The following SYTL4 variants were observed in gnomAD, a reference collection of about 807,000 sequenced individuals.
SYTL4 encodes the protein synaptotagmin-like protein 4.
A neutral mutation model predicts 52.7 loss-of-function variants in SYTL4; 16 were observed. The ratio of observed to expected loss-of-function variants is 0.30; its 90% CI spans 0.21 to 0.46. SYTL4 has a LOEUF of 0.46. Ranked by LOEUF, SYTL4 falls within the 20% of genes least tolerant of loss-of-function variation. The pLI is 1.00. For synonymous variants in SYTL4, 160 were observed against 186.6 expected, an observed-to-expected ratio of 0.86 and a Z score of 1.16; for missense variants, 423 against 519.9, an observed-to-expected ratio of 0.81 and a Z score of 1.81.
chrX:100,701,847 A>T (rs1178663707), intron 5 of SYTL4, 81 bp downstream of exon 5: 23 of 869,623 alleles, frequency 2.6e-5, no homozygotes, highest in Non-Finnish European at 3.6e-5. Flanking sequence ...TTCCTATGAA[A>T]GTCAGGTGGG....
intron 16 of SYTL4, chrX:100,685,163 TA>T (rs1250677657): frequency 8.9e-6 from 1 of 112,205 alleles, no homozygotes; most frequent in African/African-American, 3.2e-5. Context: ...TTCAAATGCT[TA>T]AAAAGGGGAT....
chrX:100,699,415 G>GA (rs766404025), intron 8 of SYTL4, among the ~76,000 whole-genome samples: 3 of 73,938 alleles, frequency 4.1e-5, no homozygotes, highest in African/African-American at 1.6e-4. Flanking sequence ...GAAAAGAAAA[G>GA]AAAAAAAAAG....
chrX:100,703,785 C>T (rs1201314446), intron 3 of SYTL4, among the ~76,000 whole-genome samples: 1 of 111,740 alleles, frequency 8.9e-6, no homozygotes, highest in Non-Finnish European at 1.9e-5. Flanking sequence ...TAGATACACA[C>T]GTACTGACAT....
intron 17 of SYTL4, among the ~76,000 whole-genome samples, chrX:100,680,933 C>T (rs2083361780): frequency 9.0e-6 from 1 of 111,697 alleles, no homozygotes; most frequent in African/African-American, 3.3e-5. Flanking sequence ...CTCCCAGCCA[C>T]CCTTCTCAGC....
chrX:100,708,932 A>G (rs2084011194), intron 2 of SYTL4, among the ~76,000 whole-genome samples: 1 of 111,914 alleles, frequency 8.9e-6, no homozygotes, highest in African/African-American at 3.2e-5. Flanking sequence ...AGATGGTAAT[A>G]TATGGTACTT....
rs77778840 is a variant in SYTL4, at chrX:100,678,538, G to C, written c.1720C>G (p.Leu574Val). ...KRKTPVMKKT[L>V]NPHYNHTFVY... ...AATGTATGGTTGTAGTGAGGATTCAGGGTCTTCTTCATCACAGGAGTTTTA... is the reference window on the plus strand; with the variant it reads ...AATGTATGGTTGTAGTGAGGATTCACGGTCTTCTTCATCACAGGAGTTTTA... The change falls in exon 19 of 20, where the codon CTG becomes GTG. Residue 574 changes from leucine (L) to valine (V), a missense_variant. By Grantham distance (32) the Leu-to-Val change is conservative (BLOSUM62 1). Transcript: ENST00000372989. 7.1e-4 allele frequency: 863 copies of C among 1,209,463 alleles called. 5 individuals are homozygous for C. The African/African-American group carries it at 0.014, about 20-fold the overall frequency.
At chrX:100,701,052 G>A (rs1421119860) in intron 7 of SYTL4, 53 bp from the exon 8 acceptor site, 68 of 1,015,937 alleles carry the variant, frequency 6.7e-5, no homozygotes, top group Non-Finnish European at 9.0e-5. Context: ...AGGGGAAAAA[G>A]GAAACAACCC....
intron 13 of SYTL4, 72 bp downstream of exon 13, chrX:100,688,279 T>C: frequency 1.4e-5 from 12 of 884,519 alleles, no homozygotes; most frequent in Non-Finnish European, 2.0e-5. Flanking sequence ...GTCCCGAATC[T>C]GCTCTAGGGA....
At position 100,681,302 on chromosome X, in the gene SYTL4, G is replaced by A. The variant is rs747053500; in HGVS notation, c.1483C>T (p.His495Tyr). 3.3e-6 allele frequency: 4 copies of A among 1,209,205 alleles called. No homozygotes were observed. The South Asian group carries it at 5.3e-5, about 16-fold the overall frequency. The change falls in exon 17 of 20, where the codon CAC (histidine) becomes TAC (tyrosine). Residue 495 changes from histidine (H) to tyrosine (Y), a missense_variant. Transcript: ENST00000372989. ...SAESPTGLPS[H>Y]KGELVVSLKY... ...AATGAAACCACCAACTCGCCTTTGTGTGATGGCAAGCCAGTCGGGGACTCA... is the reference window on the plus strand; with the variant it reads ...AATGAAACCACCAACTCGCCTTTGTATGATGGCAAGCCAGTCGGGGACTCA...
At chrX:100,680,505 A>G (rs2083353317) in intron 17 of SYTL4, among the ~76,000 whole-genome samples, 1 of 110,665 alleles carries the variant, frequency 9.0e-6, no homozygotes, top group Admixed American at 9.7e-5. Flanking sequence ...CCTCATGTCC[A>G]ACTCCAGCCC....
chrX:100,708,228 T>TA lies in SYTL4; in HGVS notation c.-239-3343dup, dbSNP rs747319864. Among the ~76,000 whole-genome samples the TA allele has an allele frequency of 3.6e-3, 396 of 109,809 alleles. 2 individuals carry two copies. Among genetic ancestry groups the TA allele is most frequent in the African/African-American group, 0.012 (365 of 30,114 alleles). ...GAACTTAAAGTATAATAAAAAAAAT[T>TA]AAAAAAAAGAAAAGATGGCTTACTT... is the stretch of plus-strand genomic sequence containing the variant. On this transcript the variant is annotated intron_variant, in intron 2 of 19. Transcript: ENST00000372989.
At chrX:100,724,714 C>A (rs753899978) in intron 2 of SYTL4, among the ~76,000 whole-genome samples, 94 of 105,599 alleles carry the variant, frequency 8.9e-4, no homozygotes, top group Admixed American at 4.2e-3. Context: ...ATCTCAAGTA[C>A]CCAGGGACAC....
chrX:100,724,260 C>A (rs1354973151), intron 2 of SYTL4, among the ~76,000 whole-genome samples: 1 of 105,224 alleles, frequency 9.5e-6, no homozygotes, highest in Non-Finnish European at 2.0e-5. Context: ...GGGGTCAGCG[C>A]CCCGCCCGGC....
chrX:100,690,279 CAAACTT>C, intron 10 of SYTL4, 114 bp from the exon 11 acceptor site: 1 of 542,528 alleles, frequency 1.8e-6, no homozygotes, highest in Non-Finnish European at 3.0e-6. Context: ...TAAACTATGA[CAAACTT>C]AAAGGAAAGA....
chrX:100,696,190 T>G (rs2096093706), intron 8 of SYTL4, among the ~76,000 whole-genome samples: 1 of 111,835 alleles, frequency 8.9e-6, no homozygotes, highest in Admixed American at 9.5e-5. Flanking sequence ...TTCCCTTCTC[T>G]TGAGTAAGTA....
chrX:100,678,285 A>ACAACT (rs1334769530), intron 19 of SYTL4, 106 bp downstream of exon 19: 3 of 560,583 alleles, frequency 5.4e-6, no homozygotes, highest in African/African-American at 2.3e-5. Flanking sequence ...AGGAAAGAAG[A>ACAACT]CAACTGTCAT....
chrX:100,690,244 A>AG, intron 10 of SYTL4, 79 bp from the exon 11 acceptor site: 1 of 723,506 alleles, frequency 1.4e-6, no homozygotes. Flanking sequence ...GACAGTCTTA[A>AG]GAAGAATAAG....
Position 100,711,691 on chromosome X carries a change from T to C in SYTL4, c.-239-6805A>G, listed in dbSNP as rs955319936. ...ATCAAGCTACCTTCTATACATGTCA[T>C]TGATGTCACCAAAAATAATGGCCCA... On this transcript the variant is annotated intron_variant, in intron 2 of 19. Transcript: ENST00000372989. Among the ~76,000 whole-genome samples the C allele has an allele frequency of 8.0e-5, 9 of 111,804 alleles. No homozygotes were observed. The East Asian group carries it at 1.7e-3, about 21-fold the overall frequency.
At chrX:100,728,352 T>C (rs966910557) in intron 2 of SYTL4, among the ~76,000 whole-genome samples, 35 of 112,404 alleles carry the variant, frequency 3.1e-4, no homozygotes, top group African/African-American at 1.1e-3. Context: ...ATAGCACTTT[T>C]TTCTTTTATG....
Sources: allele counts gnomAD v4.1 joint callset (sites outside exome capture counted in the v4.1 genomes callset), GRCh38; gene constraint gnomAD v4.1.1; transcripts MANE v1.5; gene names NCBI Gene and HGNC (gene_info 2026-07-23, HGNC 2026-07-21).